The following GRID2 variants were observed in gnomAD, a reference collection of about 807,000 sequenced individuals.
GRID2 encodes the protein glutamate ionotropic receptor delta type subunit 2, also known as glutamate receptor ionotropic, delta-2.
In GRID2, 33 loss-of-function variants were observed where a neutral mutation model predicts 114.8. The observed-to-expected ratio is 0.29, with a 90% CI of 0.22 to 0.38. The LOEUF is 0.38. Ranked by LOEUF, GRID2 falls within the 10% of genes least tolerant of loss-of-function variation. GRID2 has a pLI of 1.00. For missense variants in GRID2, 1,184 were observed against 1,257.7 expected, an observed-to-expected ratio of 0.94 and a Z score of 0.89; for synonymous variants, 505 against 449.9, an observed-to-expected ratio of 1.12 and a Z score of -1.55.
At chr4:93,213,159 A>G (rs1445529951) in intron 5 of GRID2, among the ~76,000 whole-genome samples, 1 of 152,252 alleles carries the variant, frequency 6.6e-6, no homozygotes, top group East Asian at 1.9e-4. Context: ...TTAATGATGA[A>G]TTGAACTGCT....
intron 1 of GRID2, among the ~76,000 whole-genome samples, chr4:93,798,313 C>T (rs1369280490): frequency 1.3e-5 from 2 of 151,978 alleles, no homozygotes; most frequent in African/African-American, 4.8e-5. Flanking sequence ...ATCTTATTTC[C>T]AAAACATGAT....
intron 2 of GRID2, among the ~76,000 whole-genome samples, chr4:92,941,731 C>G (rs1751150356): frequency 1.3e-5 from 2 of 152,190 alleles, no homozygotes; most frequent in South Asian, 4.1e-4. Context: ...CCTCTACACA[C>G]TGCTTTGAAT....
At chr4:92,799,064 A>G (rs920326642) in intron 2 of GRID2, among the ~76,000 whole-genome samples, 1 of 151,952 alleles carries the variant, frequency 6.6e-6, no homozygotes, top group South Asian at 2.1e-4. Context: ...ATTCAAGTGC[A>G]TTACATTTAT....
chr4:93,286,956 T>C (rs967962629), intron 8 of GRID2, among the ~76,000 whole-genome samples: 3 of 152,134 alleles, frequency 2.0e-5, no homozygotes, highest in African/African-American at 7.2e-5. Flanking sequence ...TCATTCTAGC[T>C]GAAGTGTTTT....
intron 11 of GRID2, among the ~76,000 whole-genome samples, chr4:93,489,963 G>A (rs1298278797): frequency 6.6e-6 from 1 of 151,914 alleles, no homozygotes; most frequent in Non-Finnish European, 1.5e-5. Context: ...TGTTATCAAA[G>A]TATACTGTAG....
chr4:92,347,658 T>C (rs1727839291), intron 1 of GRID2, among the ~76,000 whole-genome samples: 1 of 152,116 alleles, frequency 6.6e-6, no homozygotes, highest in African/African-American at 2.4e-5. Context: ...TAAAAACATT[T>C]ACACTGTACT....
chr4:93,724,859 A>C (rs991648287), intron 14 of GRID2, among the ~76,000 whole-genome samples: 4 of 152,118 alleles, frequency 2.6e-5, no homozygotes, highest in Non-Finnish European at 5.9e-5. Context: ...AGCTCACTGC[A>C]ACCTCCACCT....
chr4:93,765,610 ATATATAT>A (rs1560987477), intron 14 of GRID2, among the ~76,000 whole-genome samples: 9 of 143,968 alleles, frequency 6.3e-5, no homozygotes, highest in African/African-American at 1.0e-4. Flanking sequence ...GTGAGGTATT[ATATATAT>A]ATATATATAT....
chr4:92,661,227 C>A (rs1011869117), intron 2 of GRID2, among the ~76,000 whole-genome samples: 3 of 150,764 alleles, frequency 2.0e-5, no homozygotes, highest in Non-Finnish European at 4.5e-5. Context: ...AAGAGGTGTT[C>A]TAAGAAAATT....
intron 2 of GRID2, among the ~76,000 whole-genome samples, chr4:92,898,394 C>T (rs1299599247): frequency 6.6e-6 from 1 of 152,116 alleles, no homozygotes; most frequent in African/African-American, 2.4e-5. Context: ...TTTCTAAAAG[C>T]AGCAAACCAT....
At chr4:92,539,124 G>A (rs1294307237) in intron 1 of GRID2, among the ~76,000 whole-genome samples, 1 of 151,600 alleles carries the variant, frequency 6.6e-6, no homozygotes, top group African/African-American at 2.4e-5. Flanking sequence ...ATTGAGAAAT[G>A]TGTTCCAAAG....
chr4:93,253,613 T>C (rs1749229304), intron 8 of GRID2, among the ~76,000 whole-genome samples: 1 of 152,058 alleles, frequency 6.6e-6, no homozygotes, highest in Non-Finnish European at 1.5e-5. Context: ...AATAAGTATA[T>C]AAATAACTGA....
chr4:92,688,066 T>TTTG (rs1352613092), intron 2 of GRID2, among the ~76,000 whole-genome samples: 6 of 134,956 alleles, frequency 4.4e-5, no homozygotes, highest in African/African-American at 1.8e-4. Flanking sequence ...TTTTTTTTTT[T>TTTG]GGGATGGAGT....
At chr4:92,535,902 G>A (rs933359916) in intron 1 of GRID2, among the ~76,000 whole-genome samples, 3 of 152,098 alleles carry the variant, frequency 2.0e-5, no homozygotes, top group Non-Finnish European at 2.9e-5. Flanking sequence ...TCATAAAGGC[G>A]GCCGCATCTG....
chr4:93,536,839 T>C (rs892770339), intron 13 of GRID2, among the ~76,000 whole-genome samples: 1 of 151,736 alleles, frequency 6.6e-6, no homozygotes, highest in African/African-American at 2.4e-5. Context: ...AATTCAGTCA[T>C]GCAAAGTTTT....
At chr4:92,918,338 T>G (rs1410817726) in intron 2 of GRID2, among the ~76,000 whole-genome samples, 2 of 152,166 alleles carry the variant, frequency 1.3e-5, no homozygotes, top group African/African-American at 4.8e-5. Flanking sequence ...TTGAATGCCC[T>G]TTATTTCCTT....
chr4:93,615,491 A>G (rs753475537), intron 13 of GRID2, among the ~76,000 whole-genome samples: 39 of 152,326 alleles, frequency 2.6e-4, no homozygotes, highest in Non-Finnish European at 5.3e-4. Flanking sequence ...TTGGGTATAT[A>G]CCCAGCAATG....
At chr4:92,446,178 C>A (rs1733459801) in intron 1 of GRID2, among the ~76,000 whole-genome samples, 1 of 152,126 alleles carries the variant, frequency 6.6e-6, no homozygotes, top group Admixed American at 6.5e-5. Flanking sequence ...AACTCCTGAC[C>A]TCAAGTGATC....
intron 13 of GRID2, among the ~76,000 whole-genome samples, chr4:93,555,696 G>A (rs1243293267): frequency 6.6e-5 from 10 of 152,182 alleles, no homozygotes; most frequent in East Asian, 1.9e-4. Context: ...AGACGTAAAT[G>A]TTCCTGCCTG....
Sources: gnomAD v4.1 joint callset for allele counts (sites outside exome capture counted in the v4.1 genomes callset) on GRCh38, gnomAD v4.1.1 for gene constraint, MANE v1.5 for transcripts, NCBI Gene and HGNC (gene_info 2026-07-23, HGNC 2026-07-21) for gene names.